The following EBF2 variants were observed in gnomAD, a reference collection of about 807,000 sequenced individuals.
The protein encoded by EBF2 is transcription factor COE2.
In EBF2, 21 loss-of-function variants were observed where a neutral mutation model predicts 72.8. That is an observed-to-expected ratio of 0.29 (90% CI 0.20 to 0.42). The LOEUF (loss-of-function observed/expected upper bound fraction) is 0.42. EBF2 is among the 10% of genes least tolerant of loss of function. The probability of loss-of-function intolerance (pLI) is 1.00; values close to 1 mark genes in which losing one functional copy is unlikely to be tolerated. For missense variants in EBF2, 637 were observed against 731.2 expected, an observed-to-expected ratio of 0.87 and a Z score of 1.49; for synonymous variants, 299 against 274.2, an observed-to-expected ratio of 1.09 and a Z score of -0.89.
intron 6 of EBF2, among the ~76,000 whole-genome samples, chr8:25,988,117 G>A (rs984093182): frequency 6.6e-6 from 1 of 152,114 alleles, no homozygotes; most frequent in African/African-American, 2.4e-5. Context: ...CCACTCACTG[G>A]ATAGCAGGTT....
chr8:25,862,652 A>C, intron 11 of EBF2, 57 bp downstream of exon 11: 1 of 1,429,764 alleles, frequency 7.0e-7, no homozygotes, highest in South Asian at 1.3e-5. Flanking sequence ...GCATTTGTCT[A>C]AGTTTCCTGA....
chr8:25,926,105 A>G (rs1021359246), intron 6 of EBF2, among the ~76,000 whole-genome samples: 1 of 152,160 alleles, frequency 6.6e-6, no homozygotes, highest in African/African-American at 2.4e-5. Flanking sequence ...TAAGGGAACT[A>G]GAGAACTATG....
intron 6 of EBF2, among the ~76,000 whole-genome samples, chr8:25,960,221 T>C (rs1052133350): frequency 6.6e-6 from 1 of 152,198 alleles, no homozygotes; most frequent in Non-Finnish European, 1.5e-5. Flanking sequence ...CATCATGGCC[T>C]TACTTGAGTT....
intron 10 of EBF2, among the ~76,000 whole-genome samples, chr8:25,872,908 C>T (rs762769302): frequency 2.6e-5 from 4 of 152,200 alleles, no homozygotes; most frequent in African/African-American, 4.8e-5. Flanking sequence ...ATAACACAGA[C>T]GAGCTCCTGC....
At chr8:25,892,988 A>G (rs115427134) in intron 7 of EBF2, among the ~76,000 whole-genome samples, 1 of 152,338 alleles carries the variant, frequency 6.6e-6, no homozygotes, top group Non-Finnish European at 1.5e-5. Context: ...GGCGGCATCT[A>G]TCACTCCCCG....
In EBF2 at chr8:25,996,024, T is replaced by A. The variant is rs951439962; in HGVS notation, c.551+37061A>T. Among the ~76,000 whole-genome samples the A allele has an allele frequency of 1.1e-4, 17 of 152,152 alleles. No individual in the cohort carries two copies. In the East Asian group the frequency reaches 3.3e-3, roughly 29 times the overall value. Reference sequence around the variant, plus strand: ...ATAAACAAGGTAGGGCCAGGTACAATGGATCATGCCTGTGATCCCAACACT... The same window carrying A: ...ATAAACAAGGTAGGGCCAGGTACAAAGGATCATGCCTGTGATCCCAACACT... On this transcript the variant is annotated intron_variant, in intron 6 of 15. Transcript: ENST00000520164.
At chr8:26,029,132 T>C (rs1368006250) in intron 6 of EBF2, among the ~76,000 whole-genome samples, 1 of 152,260 alleles carries the variant, frequency 6.6e-6, no homozygotes, top group African/African-American at 2.4e-5. Flanking sequence ...GGATCCCCTA[T>C]TGTAAACTCC....
intron 7 of EBF2, among the ~76,000 whole-genome samples, chr8:25,895,340 G>A (rs1293745385): frequency 9.9e-5 from 15 of 152,028 alleles, no homozygotes; most frequent in East Asian, 1.9e-4. Flanking sequence ...AGTGGTTTTC[G>A]CCTTCTGCCA....
chr8:25,902,664 A>G (rs1445206872), intron 7 of EBF2, among the ~76,000 whole-genome samples: 1 of 152,172 alleles, frequency 6.6e-6, no homozygotes, highest in African/African-American at 2.4e-5. Context: ...ACAGACAAAC[A>G]AGAACTGCAA....
chr8:26,014,612 C>T (rs891878083), intron 6 of EBF2, among the ~76,000 whole-genome samples: 1 of 152,152 alleles, frequency 6.6e-6, no homozygotes, highest in Admixed American at 6.5e-5. Context: ...TTCTCTTTGT[C>T]CTTGCCACTG....
chr8:26,042,197 C>T lies in EBF2; in HGVS notation c.186G>A (p.Arg62=), dbSNP rs776120174. 1 of 1,614,170 alleles carries T rather than the reference C, an allele frequency of 6.2e-7. No individual in the cohort carries two copies. The highest frequency in any genetic ancestry group is 8.5e-7 in the Non-Finnish European group (1 of 1,180,018). ...GGACGAAGTGAAAGAAGTTGGATTT[C>T]CTCAAGTTGGAAGGAGGCTGTTTCT... ...HFEKQPPSNL[R]KSNFFHFVLA... is the part of the protein sequence containing the mutation. Residue 62 remains arginine, a synonymous_variant, in exon 2 of 16, where the codon AGG becomes AGA. Transcript: ENST00000520164.
rs769113717 is a variant in EBF2 at position 26,040,687 on chromosome 8, G to C, written c.353-16C>G. 32 of 1,553,812 alleles carry C rather than the reference G, an allele frequency of 2.1e-5. 2 individuals are homozygous for C. In the South Asian group the frequency reaches 3.7e-4, roughly 18 times the overall value. ...GTGCGGACACCTGCGGGGACCGGAG[G>C]GGCACGAGTCAAGGGCCGTAGAGCC... On this transcript the variant is annotated splice_polypyrimidine_tract_variant and intron_variant, in intron 3 of 15. Coordinates refer to ENST00000520164, the MANE Select transcript of EBF2 (RefSeq NM_022659.4).
At chr8:25,993,831 G>A (rs1804582000) in intron 6 of EBF2, among the ~76,000 whole-genome samples, 1 of 152,098 alleles carries the variant, frequency 6.6e-6, no homozygotes, top group African/African-American at 2.4e-5. Context: ...TTATGTTCCA[G>A]GAATAATCGA....
At chr8:26,020,948 G>T (rs1365251139) in intron 6 of EBF2, among the ~76,000 whole-genome samples, 1 of 152,120 alleles carries the variant, frequency 6.6e-6, no homozygotes, top group African/African-American at 2.4e-5. Flanking sequence ...CCACAACCAA[G>T]AAGAGAGAGT....
chr8:25,902,652 GGACA>G (rs1411100192), intron 7 of EBF2, among the ~76,000 whole-genome samples: 14 of 152,072 alleles, frequency 9.2e-5, no homozygotes, highest in Admixed American at 6.5e-4. Flanking sequence ...ACAGTCTATT[GGACA>G]GACAAACAAG....
At chr8:26,037,305 G>A (rs955977924) in intron 5 of EBF2, among the ~76,000 whole-genome samples, 1 of 152,194 alleles carries the variant, frequency 6.6e-6, no homozygotes, top group African/African-American at 2.4e-5. Flanking sequence ...TGGACAGAGA[G>A]TGTCCCGTCA....
intron 6 of EBF2, among the ~76,000 whole-genome samples, chr8:26,018,077 C>G (rs1406100126): frequency 6.6e-6 from 1 of 151,638 alleles, no homozygotes; most frequent in African/African-American, 2.4e-5. Context: ...AAACAAGGAT[C>G]CCTAGGGAGA....
At chr8:25,998,918 A>C (rs1330237311) in intron 6 of EBF2, among the ~76,000 whole-genome samples, 1 of 152,214 alleles carries the variant, frequency 6.6e-6, no homozygotes, top group Non-Finnish European at 1.5e-5. Flanking sequence ...TCTTTGAATA[A>C]ACAAATTTCG....
intron 6 of EBF2, among the ~76,000 whole-genome samples, chr8:25,983,430 T>C (rs1217707240): frequency 6.6e-6 from 1 of 152,254 alleles, no homozygotes; most frequent in East Asian, 1.9e-4. Flanking sequence ...CTTTTTTGTT[T>C]TGTTATTTCG....
Sources: allele counts gnomAD v4.1 joint callset (sites outside exome capture counted in the v4.1 genomes callset), GRCh38; gene constraint gnomAD v4.1.1; transcripts MANE v1.5; gene names NCBI Gene and HGNC (gene_info 2026-07-23, HGNC 2026-07-21).